Variants in POF1B observed in about 807,000 individuals in gnomAD.
POF1B encodes the protein protein POF1B.
A neutral mutation model predicts 55.3 loss-of-function variants in POF1B; 53 were observed. That is an observed-to-expected ratio of 0.96 (90% CI 0.77 to 1.20). The LOEUF (loss-of-function observed/expected upper bound fraction) is 1.20, where lower values mean the gene tolerates loss of function less well. Ranked by LOEUF, POF1B falls within the 50% of genes most tolerant of loss-of-function variation. The pLI is 0.00. For missense variants in POF1B, 478 were observed against 420.5 expected (o/e 1.14, Z -1.20); for synonymous variants, 188 against 148.3 (o/e 1.27, Z -1.95).
intron 15 of POF1B, among the ~76,000 whole-genome samples, chrX:85,293,831 G>A (rs188122549): frequency 1.5e-4 from 17 of 110,298 alleles, no homozygotes; most frequent in East Asian, 1.4e-3. Flanking sequence ...AAAATTAGCC[G>A]GGAGTGGTGG....
intron 15 of POF1B, among the ~76,000 whole-genome samples, chrX:85,286,567 TACAA>T (rs987334751): frequency 2.1e-4 from 23 of 111,544 alleles, no homozygotes; most frequent in African/African-American, 7.4e-4. Flanking sequence ...ACACTTTAAA[TACAA>T]ACAAACTAAT....
chrX:85,333,666 G>A (rs1721601843), intron 6 of POF1B, among the ~76,000 whole-genome samples: 1 of 110,836 alleles, frequency 9.0e-6, no homozygotes, highest in South Asian at 3.7e-4. Context: ...GTGATCCCTT[G>A]TACCTTCCTT....
At chrX:85,295,176 T>G (rs1192597102) in intron 15 of POF1B, among the ~76,000 whole-genome samples, 1 of 112,051 alleles carries the variant, frequency 8.9e-6, no homozygotes, top group Non-Finnish European at 1.9e-5. Flanking sequence ...CAACTTTTGG[T>G]TTCATTGATC....
At chrX:85,314,925 T>A (rs1408303903) in intron 8 of POF1B, among the ~76,000 whole-genome samples, 1 of 111,594 alleles carries the variant, frequency 9.0e-6, no homozygotes, top group Non-Finnish European at 1.9e-5. Flanking sequence ...CTTTGGGAAA[T>A]AAAAATTAAG....
chrX:85,321,079 C>A (rs995022801), intron 7 of POF1B, among the ~76,000 whole-genome samples: 3 of 111,831 alleles, frequency 2.7e-5, no homozygotes, highest in African/African-American at 9.8e-5. Context: ...GGAATCTTCC[C>A]TAATTCATTT....
Position 85,299,865 on chromosome X carries a change from G to A in POF1B, c.1649+3541C>T, listed in dbSNP as rs374828490. 1.2e-4 allele frequency among the ~76,000 whole-genome samples: 14 copies of A among 112,466 alleles called. No homozygotes were observed. In the East Asian group the frequency reaches 3.1e-3, roughly 25 times the overall value. The stretch of plus-strand genomic sequence containing the variant: ...GGCAGCAACTAGAAGACAAAACAAG[G>A]TTAGAGCTCCTTCAAAGCCACATTG... On this transcript the variant is annotated intron_variant, in intron 15 of 16. Transcript: ENST00000262753.
At chrX:85,307,376 G>A in intron 10 of POF1B, 100 bp from the exon 11 acceptor site, 2 of 479,369 alleles carry the variant, frequency 4.2e-6, no homozygotes, top group Non-Finnish European at 6.8e-6. Flanking sequence ...ATAAGCACTT[G>A]TTTCATTTGT....
At chrX:85,291,185 T>C (rs1043280586) in intron 15 of POF1B, among the ~76,000 whole-genome samples, 1 of 112,011 alleles carries the variant, frequency 8.9e-6, no homozygotes, top group African/African-American at 3.2e-5. Flanking sequence ...ATTTATTGAA[T>C]AGGGAATTCT....
Position 85,318,155 on chromosome X carries a change from T to TACAACAA in POF1B, c.855-2428_855-2422dup, listed in dbSNP as rs770896856. On this transcript the variant is annotated intron_variant, in intron 7 of 16. Transcript: ENST00000262753. ...AATACCTGGGTGATGAAATAATCTG[T>TACAACAA]ACAACAAACCCCCATGACACAAGTT... is the stretch of plus-strand genomic sequence containing the variant. Among the ~76,000 whole-genome samples, 39 of 111,636 alleles carry TACAACAA rather than the reference T, an allele frequency of 3.5e-4. No individual in the cohort carries two copies. In the East Asian group the frequency reaches 8.5e-3, roughly 24 times the overall value.
At chrX:85,303,312 C>A in intron 15 of POF1B, 94 bp downstream of exon 15, 1 of 531,088 alleles carries the variant, frequency 1.9e-6, no homozygotes, top group East Asian at 3.9e-5. Flanking sequence ...AAACACCAAA[C>A]TCTGTCTAGC....
chrX:85,336,032 C>A (rs1255058767), intron 6 of POF1B, among the ~76,000 whole-genome samples: 2 of 110,305 alleles, frequency 1.8e-5, no homozygotes, highest in Non-Finnish European at 3.8e-5. Context: ...CTCTGGTAAC[C>A]ATACTCTACT....
intron 7 of POF1B, among the ~76,000 whole-genome samples, chrX:85,319,399 T>G (rs761621838): frequency 9.0e-6 from 1 of 111,021 alleles, no homozygotes; most frequent in East Asian, 2.8e-4. Context: ...GGACTTCCAG[T>G]GCTATGTTGC....
rs764296423 is a variant in POF1B, at chrX:85,307,300, T to C, written c.1051-24A>G. The C allele has an allele frequency of 2.5e-5, 27 of 1,065,211 alleles. No homozygotes were observed. In the East Asian group the frequency reaches 5.3e-4, roughly 21 times the overall value. 87.8% of individuals were successfully genotyped at this position (1,065,211 alleles called of 1,213,427 possible). On this transcript the variant is annotated intron_variant, in intron 10 of 16. Transcript: ENST00000262753. ...GACTAGAAGCATAAATTATTTATTA[T>C]GATTCAGAATTGCAAAAACTTAACA...
intron 15 of POF1B, among the ~76,000 whole-genome samples, chrX:85,284,512 A>G (rs748841331): frequency 8.9e-6 from 1 of 111,794 alleles, no homozygotes; most frequent in Non-Finnish European, 1.9e-5. Context: ...CACATCTACA[A>G]TCACCTGATC....
intron 4 of POF1B, among the ~76,000 whole-genome samples, chrX:85,359,119 C>T (rs914898978): frequency 2.8e-5 from 3 of 105,684 alleles, no homozygotes; most frequent in Non-Finnish European, 3.8e-5. Context: ...TAACCTTTGA[C>T]CTTTAATTTT....
chrX:85,319,103 C>G (rs1674512857), intron 7 of POF1B, among the ~76,000 whole-genome samples: 1 of 111,152 alleles, frequency 9.0e-6, no homozygotes, highest in African/African-American at 3.3e-5. Context: ...TAGCTGTATT[C>G]CTAAGTATTT....
chrX:85,283,595 A>G (rs1299066627), intron 15 of POF1B, among the ~76,000 whole-genome samples: 1 of 110,942 alleles, frequency 9.0e-6, no homozygotes, highest in Non-Finnish European at 1.9e-5. Context: ...TCATATATAT[A>G]TAATTAAAGT....
chrX:85,282,293 T>C lies in POF1B; in HGVS notation c.1674A>G (p.Leu558=). ...TKKYRTQYPI[L]GLLYDDYEYI... ...ATTCGTAGTCATCATATAGGAGGCC[T>C]AGGATTGGATATTGTGTCCTGTACC... Residue 558 remains leucine (L), a synonymous_variant, in exon 16 of 17, where the codon CTA becomes CTG. Transcript: ENST00000262753. 1 of 1,175,192 alleles carries C rather than the reference T, an allele frequency of 8.5e-7. No homozygotes were observed. Among genetic ancestry groups the C allele is most frequent in the Non-Finnish European group, 1.1e-6 (1 of 873,610 alleles).
At chrX:85,296,728 G>C (rs2088657528) in intron 15 of POF1B, among the ~76,000 whole-genome samples, 1 of 111,511 alleles carries the variant, frequency 9.0e-6, no homozygotes, top group Admixed American at 9.5e-5. Flanking sequence ...GGGAATGTTT[G>C]TCTTGTATAG....
Sources: gnomAD v4.1 joint callset for allele counts (sites outside exome capture counted in the v4.1 genomes callset) on GRCh38, gnomAD v4.1.1 for gene constraint, MANE v1.5 for transcripts, NCBI Gene and HGNC (gene_info 2026-07-23, HGNC 2026-07-21) for gene names.